TPPP: variants seen among roughly 807,000 people sequenced by gnomAD.
TPPP encodes tubulin polymerization-promoting protein.
In TPPP, 6 loss-of-function variants were observed where a neutral mutation model predicts 15.5. The ratio of observed to expected loss-of-function variants is 0.39; its 90% CI spans 0.21 to 0.77. TPPP has a LOEUF of 0.77. Ranked by LOEUF, TPPP falls within the 30% of genes least tolerant of loss-of-function variation. TPPP has a pLI of 0.42. For synonymous variants in TPPP, 146 were observed against 133.9 expected (o/e 1.09, Z -0.63); for missense variants, 269 against 307.2 (o/e 0.88, Z 0.93).
At chr5:677,316 G>A (rs902522091) in intron 2 of TPPP, among the ~76,000 whole-genome samples, 1 of 152,210 alleles carries the variant, frequency 6.6e-6, no homozygotes, top group Non-Finnish European at 1.5e-5. Context: ...CAGGAGCTCT[G>A]CCCGCCAGCA....
At chr5:697,445 T>C (rs2126921068), upstream of TPPP, among the ~76,000 whole-genome samples, 2 of 152,078 alleles carry the variant, frequency 1.3e-5, no homozygotes, top group East Asian at 3.9e-4. Flanking sequence ...CAGGAGCCCA[T>C]GCCTGGCAGA....
At chr5:696,893 TGA>T (rs1306693437), upstream of TPPP, among the ~76,000 whole-genome samples, 29 of 149,364 alleles carry the variant, frequency 1.9e-4, no homozygotes, top group African/African-American at 6.3e-4. Context: ...TCTGTGTGTA[TGA>T]GTGTGTCTGC....
At chr5:682,162 C>T (rs1740641373) in intron 1 of TPPP, among the ~76,000 whole-genome samples, 1 of 150,012 alleles carries the variant, frequency 6.7e-6, no homozygotes, top group East Asian at 1.9e-4. Context: ...GCAGCCCCAG[C>T]CTCTGATCAC....
the TPPP span, among the ~76,000 whole-genome samples, chr5:698,805 T>A: frequency 2.0e-5 from 3 of 151,992 alleles, no homozygotes; most frequent in Non-Finnish European, 2.9e-5. Context: ...TTAGATTTGA[T>A]AAATAAATTC....
intron 2 of TPPP, among the ~76,000 whole-genome samples, chr5:675,141 G>GTGTGGCCAGGGGTACAA (rs1740366082): frequency 5.7e-5 from 3 of 52,896 alleles, no homozygotes; most frequent in Non-Finnish European, 9.9e-5. Flanking sequence ...CAGGGGTGCA[G>GTGTGGCCAGGGGTACAA]TGTGGCCAGG....
At chr5:676,801 C>T (rs575236982) in intron 2 of TPPP, among the ~76,000 whole-genome samples, 1 of 146,120 alleles carries the variant, frequency 6.8e-6, no homozygotes, top group East Asian at 1.9e-4. Context: ...AACGCACGTG[C>T]ACATGCAGAA....
Position 686,954 on chromosome 5 carries a change from A to C in TPPP, c.-5+6324T>G, listed in dbSNP as rs901316641. ...CAGGGAAGGGCCCTTGTCGGACGCC[A>C]AGCCTGCAGGTGCCTTGATCTTGGA... On this transcript the variant is annotated intron_variant, in intron 1 of 3. Coordinates refer to ENST00000360578, the MANE Select transcript of TPPP (RefSeq NM_007030.3). Among the ~76,000 whole-genome samples, 25 of 141,834 alleles carry C rather than the reference A, an allele frequency of 1.8e-4. 2 individuals carry two copies. Among genetic ancestry groups the C allele is most frequent in the African/African-American group, 6.3e-4 (25 of 39,858 alleles). 93.0% of individuals were successfully genotyped at this position (141,834 alleles called of 152,430 possible).
Position 665,112 on chromosome 5 carries a change from C to G in TPPP, c.650G>C (p.Gly217Ala), listed in dbSNP as rs1561079383. The stretch of plus-strand genomic sequence containing the variant: ...GGCATGGAGCGGGGGCTACTTGCCC[C>G]CTTGCACCTTCTGGTCGTAGGTGCC... ...HAGTYDQKVQ[G>A]GK The change falls in exon 4 of 4, where the codon GGG (glycine) becomes GCG (alanine). Residue 217 changes from glycine to alanine, a missense_variant. Transcript: ENST00000360578. The G allele has an allele frequency of 1.2e-6, 2 of 1,610,698 alleles. No individual in the cohort carries two copies. Among genetic ancestry groups the G allele is most frequent in the Non-Finnish European group, 1.7e-6 (2 of 1,179,940 alleles).
rs1739571415 is a variant in TPPP, at chr5:661,039, A to G, written c.*4063T>C. ...TTTGAACTTTAATTTTGGTAACGCTAATTGTTAGGAACACTACCTGGTTGC... is the reference window on the plus strand; with the variant it reads ...TTTGAACTTTAATTTTGGTAACGCTGATTGTTAGGAACACTACCTGGTTGC... On this transcript the variant is annotated 3_prime_UTR_variant, in exon 4 of 4. Coordinates refer to ENST00000360578, the MANE Select transcript of TPPP (RefSeq NM_007030.3). The G allele has an allele frequency of 6.6e-6, 1 of 152,340 alleles. No homozygotes were observed. Among genetic ancestry groups the G allele is most frequent in the African/African-American group, 2.4e-5 (1 of 41,446 alleles). The allele number at this position is 152,340 out of a possible 1,614,324, so 9.4% of individuals were successfully genotyped here.
chr5:692,402 C>T lies in TPPP; in HGVS notation c.-5+876G>A, dbSNP rs1224101549. Among the ~76,000 whole-genome samples, 3 of 136,366 alleles carry T rather than the reference C, an allele frequency of 2.2e-5. No homozygotes were observed. The Admixed American group carries it at 2.2e-4, about 10-fold the overall frequency. 89.5% of individuals were successfully genotyped at this position (136,366 alleles called of 152,430 possible). A position where few individuals can be genotyped will look rare whatever the true frequency, so the allele number is the denominator to read the frequency against. On this transcript the variant is annotated intron_variant, in intron 1 of 3. Coordinates refer to ENST00000360578, the MANE Select transcript of TPPP (RefSeq NM_007030.3). ...CTATCAAAACAGCAGCCCCCCAAAC[C>T]CCTATCAAAACAGCAGCCCCCAACC...
At chr5:676,941 AC>A (rs1320608732) in intron 2 of TPPP, among the ~76,000 whole-genome samples, 1 of 150,136 alleles carries the variant, frequency 6.7e-6, no homozygotes, top group Non-Finnish European at 1.5e-5. Context: ...CGCGCACACG[AC>A]GCAGAAACGC....
chr5:683,215 GC>G (rs1262262892), intron 1 of TPPP, among the ~76,000 whole-genome samples: 15 of 152,184 alleles, frequency 9.9e-5, no homozygotes, highest in South Asian at 4.1e-4. Context: ...AAGGGGTGCA[GC>G]CCCCTCCCCA....
the TPPP span, among the ~76,000 whole-genome samples, chr5:698,529 G>T: frequency 1.3e-5 from 2 of 152,016 alleles, no homozygotes; most frequent in Admixed American, 1.3e-4. Context: ...TCCCAGTCAT[G>T]GTGGACGGCA....
intron 2 of TPPP, among the ~76,000 whole-genome samples, chr5:672,006 CACACA>C (rs1466651277): frequency 1.3e-5 from 2 of 152,224 alleles, no homozygotes; most frequent in African/African-American, 4.8e-5. Flanking sequence ...GAGGACGTCA[CACACA>C]GTGCTCTGAG....
intron 2 of TPPP, among the ~76,000 whole-genome samples, chr5:669,017 GAC>G (rs1486521000): frequency 6.6e-6 from 1 of 152,244 alleles, no homozygotes; most frequent in Non-Finnish European, 1.5e-5. Flanking sequence ...AGACACAACA[GAC>G]ACCATCAACA....
At chr5:677,060 C>T (rs1000304893) in intron 2 of TPPP, among the ~76,000 whole-genome samples, 1 of 152,046 alleles carries the variant, frequency 6.6e-6, no homozygotes, top group South Asian at 2.1e-4. Context: ...CACGTGCACA[C>T]AGAAACGCGC....
At chr5:697,511 G>A (rs1579206266), upstream of TPPP, among the ~76,000 whole-genome samples, 1 of 152,064 alleles carries the variant, frequency 6.6e-6, no homozygotes, top group East Asian at 1.9e-4. Flanking sequence ...GCAGAGAAGG[G>A]AGGAACTTGT....
At chr5:698,928 CAA>C in the TPPP span, among the ~76,000 whole-genome samples, 1 of 151,906 alleles carries the variant, frequency 6.6e-6, no homozygotes, top group East Asian at 1.9e-4. Flanking sequence ...ATTGTAGCTA[CAA>C]AAAATTACCT....
In TPPP at chr5:668,822, G is replaced by A. The variant is rs569334360; in HGVS notation, c.312-2699C>T. Among the ~76,000 whole-genome samples, 23 of 152,344 alleles carry A rather than the reference G, an allele frequency of 1.5e-4. No individual in the cohort carries two copies. The East Asian group carries it at 1.7e-3, about 12-fold the overall frequency. ...CAGACCACAGTGCTGTGATGTGTGC[G>A]CACGTGGACAGCACCCCCACCCCTC... is the stretch of plus-strand genomic sequence containing the variant. On this transcript the variant is annotated intron_variant, in intron 2 of 3. Coordinates refer to ENST00000360578, the MANE Select transcript of TPPP (RefSeq NM_007030.3).
Sources: allele counts gnomAD v4.1 joint callset (sites outside exome capture counted in the v4.1 genomes callset), GRCh38; gene constraint gnomAD v4.1.1; transcripts MANE v1.5; gene names NCBI Gene and HGNC (gene_info 2026-07-23, HGNC 2026-07-21).